The following FGF13 variants were observed in gnomAD, a reference collection of about 807,000 sequenced individuals.
FGF13 encodes fibroblast growth factor homologous factor 2.
Under a neutral mutation model 19.5 loss-of-function variants are expected in FGF13, and 2 were observed. That is an observed-to-expected ratio of 0.10 (90% confidence interval 0.04 to 0.32). The LOEUF is 0.32. Ranked by LOEUF, FGF13 falls within the 10% of genes least tolerant of loss-of-function variation. The pLI is 1.00. For missense variants in FGF13, 113 were observed against 192.7 expected (o/e 0.59, Z 2.45); for synonymous variants, 72 against 76.9 (o/e 0.94, Z 0.33).
At chrX:138,795,340 C>A (rs2090770525) in intron 3 of FGF13, among the ~76,000 whole-genome samples, 2 of 112,256 alleles carry the variant, frequency 1.8e-5, no homozygotes, top group African/African-American at 6.5e-5. Flanking sequence ...CACAATGACA[C>A]AAAACAGTGC....
At chrX:138,810,285 T>C (rs1465492439) in intron 3 of FGF13, among the ~76,000 whole-genome samples, 12 of 111,133 alleles carry the variant, frequency 1.1e-4, no homozygotes. Context: ...TCAGAAATAA[T>C]ACCACACATC....
intron 1 of FGF13, among the ~76,000 whole-genome samples, chrX:138,718,672 C>T (rs985925926): frequency 8.9e-6 from 1 of 111,771 alleles, no homozygotes; most frequent in Admixed American, 9.5e-5. Flanking sequence ...CATCTCTTTT[C>T]AGACACTGAC....
At chrX:138,730,275 TG>T (rs1471171933) in intron 1 of FGF13, among the ~76,000 whole-genome samples, 1 of 111,535 alleles carries the variant, frequency 9.0e-6, no homozygotes, top group African/African-American at 3.3e-5. Context: ...ACATGGCACA[TG>T]TATACCTATG....
At chrX:139,147,724 T>C (rs1214985928) in intron 1 of FGF13, among the ~76,000 whole-genome samples, 1 of 111,214 alleles carries the variant, frequency 9.0e-6, no homozygotes, top group Non-Finnish European at 1.9e-5. Context: ...CTCGTCTTCA[T>C]ATGGCCTGGT....
intron 1 of FGF13, among the ~76,000 whole-genome samples, chrX:139,154,266 G>A (rs1385374453): frequency 9.0e-6 from 1 of 111,025 alleles, no homozygotes; most frequent in African/African-American, 3.3e-5. Flanking sequence ...AGTGGGCAAG[G>A]GGACAAAAAA....
intron 1 of FGF13, among the ~76,000 whole-genome samples, chrX:138,921,069 C>A (rs752030277): frequency 1.1e-4 from 12 of 111,362 alleles, no homozygotes; most frequent in Non-Finnish European, 2.3e-4. Context: ...CTTCAGAGGG[C>A]CATTATCAGC....
intron 1 of FGF13, among the ~76,000 whole-genome samples, chrX:139,026,344 A>G (rs1029658423): frequency 5.5e-4 from 61 of 111,767 alleles, no homozygotes; most frequent in African/African-American, 1.8e-3. Context: ...ACTTATTTCT[A>G]AAATATTATG....
rs2124062554 is a variant in FGF13 at position 138,617,359 on chromosome X, T to C, written c.*15491A>G. On this transcript the variant is annotated 3_prime_UTR_variant, in exon 5 of 5. Coordinates refer to ENST00000315930, the MANE Select transcript of FGF13 (RefSeq NM_004114.5). Reference sequence around the variant, plus strand: ...ATAATTATTTTATAGATAAGAGCATTAATTGATGGATATATTTTCATAATG... The same window carrying C: ...ATAATTATTTTATAGATAAGAGCATCAATTGATGGATATATTTTCATAATG... The C allele has an allele frequency of 8.9e-6, 1 of 112,031 alleles. No homozygotes were observed. Among genetic ancestry groups the C allele is most frequent in the African/African-American group, 3.2e-5 (1 of 30,894 alleles). 9.2% of individuals were successfully genotyped at this position (112,031 alleles called of 1,213,427 possible). A position where few individuals can be genotyped will look rare whatever the true frequency, so the allele number is the denominator to read the frequency against.
chrX:138,798,390 C>T (rs762945021), intron 3 of FGF13, among the ~76,000 whole-genome samples: 2 of 112,021 alleles, frequency 1.8e-5, no homozygotes, highest in Admixed American at 1.9e-4. Context: ...GTTGAACCTG[C>T]CTCGCATCCC....
chrX:138,787,816 A>C (rs1306114718), intron 3 of FGF13, among the ~76,000 whole-genome samples: 1 of 107,658 alleles, frequency 9.3e-6, no homozygotes, highest in African/African-American at 3.4e-5. Context: ...TCTTCTTCTT[A>C]TAAGGTCACT....
At chrX:139,057,105 C>T (rs965621460) in intron 1 of FGF13, among the ~76,000 whole-genome samples, 6 of 111,381 alleles carry the variant, frequency 5.4e-5, no homozygotes, top group African/African-American at 2.0e-4. Context: ...ACCTCTAATG[C>T]CCTCCCAGAA....
At chrX:138,702,618 T>A (rs2089958193) in intron 3 of FGF13, among the ~76,000 whole-genome samples, 1 of 112,139 alleles carries the variant, frequency 8.9e-6, no homozygotes, top group African/African-American at 3.2e-5. Flanking sequence ...GATCTCATGT[T>A]TTTTTAGGAG....
chrX:139,187,349 CTT>C (rs2084290205), intron 1 of FGF13, among the ~76,000 whole-genome samples: 1 of 112,646 alleles, frequency 8.9e-6, no homozygotes, highest in South Asian at 3.6e-4. Context: ...TTCTTTTTGA[CTT>C]AATAAAAATT....
chrX:138,842,803 A>G (rs904743322), intron 3 of FGF13, among the ~76,000 whole-genome samples: 3 of 111,194 alleles, frequency 2.7e-5, no homozygotes, highest in African/African-American at 9.8e-5. Context: ...AGAATTATCT[A>G]GCCCCAAATG....
chrX:138,736,647 T>C (rs2090277080), intron 1 of FGF13, among the ~76,000 whole-genome samples: 1 of 110,708 alleles, frequency 9.0e-6, no homozygotes, highest in Non-Finnish European at 1.9e-5. Context: ...AAAAAAAAAT[T>C]AGTAAACATA....
At chrX:138,955,460 T>C (rs757087952) in intron 1 of FGF13, among the ~76,000 whole-genome samples, 74 of 111,825 alleles carry the variant, frequency 6.6e-4, no homozygotes, top group Non-Finnish European at 8.8e-4. Flanking sequence ...CTCAAAAGAC[T>C]CTCCTAATGT....
At chrX:138,857,403 G>A, downstream of FGF13, 1 of 775,307 alleles carries the variant, frequency 1.3e-6, no homozygotes, top group South Asian at 3.4e-5. Context: ...AGCTATGGCA[G>A]GGCCTGAACA....
At chrX:139,165,314 A>G (rs1010066259) in intron 1 of FGF13, among the ~76,000 whole-genome samples, 1 of 112,218 alleles carries the variant, frequency 8.9e-6, no homozygotes, top group Non-Finnish European at 1.9e-5. Context: ...GAGATGCAAA[A>G]GGAAAGAAAT....
Position 139,035,346 on chromosome X carries a change from T to C in FGF13, c.-113+168070A>G, listed in dbSNP as rs1039922133. ...ATAGTGATCTTCAACGTTAGCTACA[T>C]ATTAGAATCAGGAGGAGCATTTTTG... is the stretch of plus-strand genomic sequence containing the variant. On this transcript the variant is annotated intron_variant, in intron 1 of 2. Transcript: ENST00000421460. Among the ~76,000 whole-genome samples, 7 of 111,209 alleles carry C rather than the reference T, an allele frequency of 6.3e-5. No homozygotes were observed. The Admixed American group carries it at 6.7e-4, about 11-fold the overall frequency.
Sources: allele counts gnomAD v4.1 joint callset (sites outside exome capture counted in the v4.1 genomes callset), GRCh38; gene constraint gnomAD v4.1.1; transcripts MANE v1.5; gene names NCBI Gene and HGNC (gene_info 2026-07-23, HGNC 2026-07-21).